The following PKIB variants were observed in gnomAD, a reference collection of about 807,000 sequenced individuals.
The protein encoded by PKIB is cAMP-dependent protein kinase inhibitor beta.
PKIB carries 2 observed loss-of-function variants against 4.5 expected under a neutral mutation model. That is an observed-to-expected ratio of 0.44 (90% CI 0.18 to 1.39). The LOEUF is 1.39. Ranked by LOEUF, PKIB falls within the 40% of genes most tolerant of loss-of-function variation. The probability of loss-of-function intolerance (pLI) is 0.27; values close to 1 mark genes in which losing one functional copy is unlikely to be tolerated. For missense variants in PKIB, 94 were observed against 92.6 expected, an observed-to-expected ratio of 1.02 and a Z score of -0.06; for synonymous variants, 38 against 36.0, an observed-to-expected ratio of 1.06 and a Z score of -0.20.
At chr6:122,670,745 C>G (rs948463271) in intron 2 of PKIB, among the ~76,000 whole-genome samples, 2 of 152,184 alleles carry the variant, frequency 1.3e-5, no homozygotes, top group Non-Finnish European at 1.5e-5. Context: ...GGACAGAAAA[C>G]ATCCTCATGA....
At chr6:122,714,695 G>C (rs995121962) in intron 3 of PKIB, among the ~76,000 whole-genome samples, 2 of 152,110 alleles carry the variant, frequency 1.3e-5, no homozygotes, top group Non-Finnish European at 2.9e-5. Context: ...GGTGGGAGGT[G>C]GGAGAGCTGC....
chr6:122,636,978 A>G (rs932895909), intron 2 of PKIB, among the ~76,000 whole-genome samples: 2 of 152,216 alleles, frequency 1.3e-5, no homozygotes, highest in Admixed American at 1.3e-4. Context: ...CTATTCAAAA[A>G]GCACAACAAC....
intron 3 of PKIB, among the ~76,000 whole-genome samples, chr6:122,591,273 G>A (rs996996895): frequency 6.6e-6 from 1 of 151,162 alleles, no homozygotes; most frequent in Non-Finnish European, 1.5e-5. Flanking sequence ...CTAACTATAT[G>A]CCTTTCCTAT....
chr6:122,538,217 C>T (rs1777468816), intron 2 of PKIB, among the ~76,000 whole-genome samples: 1 of 151,946 alleles, frequency 6.6e-6, no homozygotes, highest in East Asian at 1.9e-4. Flanking sequence ...CTTTTGTTGC[C>T]ATTGCTTTTG....
At chr6:122,523,647 G>T (rs946322124) in intron 2 of PKIB, among the ~76,000 whole-genome samples, 5 of 152,052 alleles carry the variant, frequency 3.3e-5, no homozygotes, top group African/African-American at 9.7e-5. Flanking sequence ...GTGGGGCATG[G>T]TGGTGGGTGC....
At chr6:122,666,620 A>C (rs1777229313) in intron 2 of PKIB, among the ~76,000 whole-genome samples, 1 of 152,212 alleles carries the variant, frequency 6.6e-6, no homozygotes, top group Non-Finnish European at 1.5e-5. Flanking sequence ...GAAACAGACC[A>C]GACTCCTTTG....
chr6:122,571,728 A>C (rs1184523903), intron 2 of PKIB, among the ~76,000 whole-genome samples: 2 of 152,222 alleles, frequency 1.3e-5, no homozygotes, highest in African/African-American at 2.4e-5. Flanking sequence ...ATAAATGCTA[A>C]ATGGAGTTCC....
intron 2 of PKIB, among the ~76,000 whole-genome samples, chr6:122,543,972 CACA>C (rs1172771323): frequency 1.3e-5 from 2 of 151,856 alleles, no homozygotes; most frequent in African/African-American, 4.8e-5. Flanking sequence ...ATATATTTCA[CACA>C]ACATCTCATT....
At chr6:122,645,063 G>A (rs1562282942) in intron 2 of PKIB, among the ~76,000 whole-genome samples, 1 of 152,160 alleles carries the variant, frequency 6.6e-6, no homozygotes, top group Non-Finnish European at 1.5e-5. Flanking sequence ...TGTTTGGAAA[G>A]CTGAATTTGA....
chr6:122,606,075 C>T (rs1774525308), upstream of PKIB, among the ~76,000 whole-genome samples: 1 of 152,060 alleles, frequency 6.6e-6, no homozygotes, highest in African/African-American at 2.4e-5. Flanking sequence ...TTCGAAGATG[C>T]AATTAAAGTA....
At chr6:122,718,120 A>G (rs1467499120) in intron 4 of PKIB, among the ~76,000 whole-genome samples, 157 bp downstream of exon 4, 1 of 152,216 alleles carries the variant, frequency 6.6e-6, no homozygotes, top group African/African-American at 2.4e-5. Flanking sequence ...GTAGATGTTC[A>G]GCCTTTTCCA....
chr6:122,690,382 T>G (rs1197899991), intron 3 of PKIB, among the ~76,000 whole-genome samples: 1 of 152,120 alleles, frequency 6.6e-6, no homozygotes, highest in Non-Finnish European at 1.5e-5. Context: ...GTTTAATTTC[T>G]TACCTTCTAT....
rs983275573 is a variant in PKIB, at chr6:122,671,306, T to A, written c.-75-3772T>A. Among the ~76,000 whole-genome samples the A allele has an allele frequency of 6.0e-5, 9 of 149,940 alleles. No homozygotes were observed. The East Asian group carries it at 1.4e-3, about 23-fold the overall frequency. ...ACTCTGTCTCAAAAAAAAAAAAAAA[T>A]ACTTATTGAAGTATCTATAACTAGA... is the stretch of plus-strand genomic sequence containing the variant. On this transcript the variant is annotated intron_variant, in intron 2 of 4. Coordinates refer to ENST00000368452, the MANE Select transcript of PKIB (RefSeq NM_181795.3).
At chr6:122,620,613 A>G (rs143761330) in intron 1 of PKIB, among the ~76,000 whole-genome samples, 19 of 152,284 alleles carry the variant, frequency 1.2e-4, no homozygotes, top group Middle Eastern at 6.8e-3. Context: ...GTGGTTATAC[A>G]TGTCTAGCTC....
chr6:122,543,616 A>C (rs573629713), intron 2 of PKIB, among the ~76,000 whole-genome samples: 4 of 151,984 alleles, frequency 2.6e-5, no homozygotes, highest in Non-Finnish European at 5.9e-5. Flanking sequence ...CTGACCTCAC[A>C]TAATCTACCC....
chr6:122,507,351 G>T (rs1406007590), intron 2 of PKIB, among the ~76,000 whole-genome samples: 1 of 152,074 alleles, frequency 6.6e-6, no homozygotes, highest in Non-Finnish European at 1.5e-5. Context: ...CTCAACCAGG[G>T]GTTTTAACCA....
intron 2 of PKIB, among the ~76,000 whole-genome samples, chr6:122,510,588 G>A (rs899033486): frequency 2.6e-5 from 4 of 152,170 alleles, no homozygotes; most frequent in African/African-American, 9.7e-5. Context: ...GCTCCCATTG[G>A]TTGAATTACA....
intron 2 of PKIB, among the ~76,000 whole-genome samples, chr6:122,560,684 G>C (rs752718675): frequency 1.3e-5 from 2 of 151,820 alleles, no homozygotes; most frequent in Non-Finnish European, 2.9e-5. Flanking sequence ...TTTTTTTGTT[G>C]GTGGTAATTT....
rs781640241 is a variant in PKIB at position 122,717,923 on chromosome 6, A to C, written c.129A>C (p.Ser43=). The change falls in exon 4 of 5, where the codon TCA becomes TCC. Residue 43 remains serine (S), a synonymous_variant. Transcript: ENST00000368452. ...IQSSAATDGT[S]DLPLKLEALS... ...GTTCAGCTGCCACAGACGGAACCTC[A>C]GATTTGCCCCTCAAACTGGAGGCTC... is the stretch of plus-strand genomic sequence containing the variant. 3 of 1,613,824 alleles carry C rather than the reference A, an allele frequency of 1.9e-6. No individual in the cohort carries two copies. The African/African-American group carries it at 4.0e-5, about 22-fold the overall frequency.
Sources: gnomAD v4.1 joint callset for allele counts (sites outside exome capture counted in the v4.1 genomes callset) on GRCh38, gnomAD v4.1.1 for gene constraint, MANE v1.5 for transcripts, NCBI Gene and HGNC (gene_info 2026-07-23, HGNC 2026-07-21) for gene names.